Variants in SH3GL1 observed in about 807,000 individuals in gnomAD.
SH3GL1 encodes the protein SH3 domain containing GRB2 like 1, endophilin A2, also known as endophilin-A2.
SH3GL1 carries 21 observed loss-of-function variants against 48.8 expected under a neutral mutation model. The observed-to-expected ratio is 0.43, with a 90% CI of 0.30 to 0.62. The LOEUF (loss-of-function observed/expected upper bound fraction) is 0.62. SH3GL1 is among the 20% of genes least tolerant of loss of function. The probability of loss-of-function intolerance (pLI) is 0.11; values close to 1 mark genes in which losing one functional copy is unlikely to be tolerated. For missense variants in SH3GL1, 454 were observed against 503.0 expected (o/e 0.90, Z 0.93); for synonymous variants, 282 against 217.5 (o/e 1.30, Z -2.61).
chr19:4,364,328 G>A, intron 4 of SH3GL1, 107 bp from the exon 5 acceptor site: 1 of 1,424,368 alleles, frequency 7.0e-7, no homozygotes, highest in Non-Finnish European at 9.8e-7. Context: ...CTGGAACGCA[G>A]TGGCGCTGTA....
chr19:4,365,209 G>A (rs1003696373), intron 4 of SH3GL1, among the ~76,000 whole-genome samples: 1 of 152,168 alleles, frequency 6.6e-6, no homozygotes. Flanking sequence ...GCCCTTAACA[G>A]GTGGAAGGAC....
Position 4,373,202 on chromosome 19 carries a change from C to T in SH3GL1, c.46-6208G>A, listed in dbSNP as rs1003918911. Among the ~76,000 whole-genome samples, 12 of 152,266 alleles carry T rather than the reference C, an allele frequency of 7.9e-5. No homozygotes were observed. The South Asian group carries it at 2.3e-3, about 29-fold the overall frequency. On this transcript the variant is annotated intron_variant, in intron 1 of 9. Coordinates refer to ENST00000269886, the MANE Select transcript of SH3GL1 (RefSeq NM_003025.4). ...CCAGGTGATCCTCATGGCCCGGCGG[C>T]GAGGAATCAGACGGCAGAAACCCAC...
intron 6 of SH3GL1, 92 bp downstream of exon 6, chr19:4,363,628 G>C (rs11668762): frequency 1.3e-6 from 2 of 1,546,352 alleles, no homozygotes; most frequent in Non-Finnish European, 1.8e-6. Context: ...CGGCCAGGTA[G>C]GTGCCGATCT....
rs1254426126 is a variant in SH3GL1, at chr19:4,363,380, G to C, written c.718C>G (p.Leu240Val). ...AGGCCCTGGGCTCACCTGCGCTTGAGCTTCTCCGCCAGCTCGTCCAGGATC... is the reference window on the plus strand; with the variant it reads ...AGGCCCTGGGCTCACCTGCGCTTGACCTTCTCCGCCAGCTCGTCCAGGATC... ...VQILDELAEK[L>V]KRRMREASSR... Residue 240 changes from leucine to valine, a missense_variant, in exon 7 of 10, where the codon CTC becomes GTC. Transcript: ENST00000269886. The C allele has an allele frequency of 6.2e-7, 1 of 1,604,606 alleles. No homozygotes were observed. The highest frequency in any genetic ancestry group is 8.5e-7 in the Non-Finnish European group (1 of 1,176,218).
intron 1 of SH3GL1, among the ~76,000 whole-genome samples, chr19:4,384,086 G>A (rs550556057): frequency 7.9e-5 from 12 of 152,368 alleles, no homozygotes; most frequent in South Asian, 4.1e-4. Flanking sequence ...TCTGCGACAA[G>A]GCTGGGTGCT....
At chr19:4,379,133 T>C (rs1325183652) in intron 1 of SH3GL1, among the ~76,000 whole-genome samples, 1 of 152,190 alleles carries the variant, frequency 6.6e-6, no homozygotes. Flanking sequence ...ATTCTGAGGT[T>C]CTACTGGCGG....
chr19:4,370,493 A>G (rs1001617390), intron 1 of SH3GL1, among the ~76,000 whole-genome samples: 1 of 151,926 alleles, frequency 6.6e-6, no homozygotes, highest in Non-Finnish European at 1.5e-5. Context: ...AACCTGCATC[A>G]GGGTGGCAGG....
At chr19:4,381,689 CTTTTTTT>C (rs71166991) in intron 1 of SH3GL1, among the ~76,000 whole-genome samples, 2 of 35,150 alleles carry the variant, frequency 5.7e-5, no homozygotes, top group African/African-American at 9.8e-5. Context: ...CCCCACACGC[CTTTTTTT>C]TTTTTTTTTT....
intron 9 of SH3GL1, 88 bp downstream of exon 9, chr19:4,362,241 G>A (rs371122546): frequency 1.2e-5 from 16 of 1,335,164 alleles, no homozygotes; most frequent in African/African-American, 8.7e-5. Context: ...TGCTTGAGAT[G>A]GGCAGAGAAC....
In SH3GL1 at chr19:4,367,038, A is replaced by G. The variant is rs1231676895; in HGVS notation, c.46-44T>C. 1 of 1,578,130 alleles carries G rather than the reference A, an allele frequency of 6.3e-7. No homozygotes were observed. Among genetic ancestry groups the G allele is most frequent in the African/African-American group, 1.3e-5 (1 of 74,170 alleles). On this transcript the variant is annotated intron_variant, in intron 1 of 9. Coordinates refer to ENST00000269886, the MANE Select transcript of SH3GL1 (RefSeq NM_003025.4). The surrounding 1 kb of genome is among the most constrained non-coding windows in gnomAD (Gnocchi z 4.2). ...GAAACGCTGTGAGCCCAGGGGTAGG[A>G]GGAAGAAGAGGACAGGAGGCCCTGA...
intron 2 of SH3GL1, 59 bp downstream of exon 2, chr19:4,366,867 G>A (rs370062307): frequency 4.5e-5 from 69 of 1,549,828 alleles, no homozygotes; most frequent in East Asian, 1.1e-4. Flanking sequence ...CACTATGCCC[G>A]GCAGAGGTCA....
At chr19:4,392,456 G>A (rs892048915) in intron 1 of SH3GL1, among the ~76,000 whole-genome samples, 16 of 151,532 alleles carry the variant, frequency 1.1e-4, no homozygotes, top group South Asian at 2.1e-4. Context: ...CCCAGGAAGC[G>A]GAGGTTGCAG....
intron 1 of SH3GL1, among the ~76,000 whole-genome samples, chr19:4,385,070 C>T (rs574419739): frequency 2.5e-4 from 38 of 149,548 alleles, no homozygotes; most frequent in Middle Eastern, 3.4e-3. Context: ...CGCCATTGCA[C>T]TCCAGCCTGG....
intron 1 of SH3GL1, among the ~76,000 whole-genome samples, chr19:4,380,883 A>G (rs1455661259): frequency 6.6e-6 from 1 of 152,154 alleles, no homozygotes; most frequent in Non-Finnish European, 1.5e-5. Context: ...AGTTCCACAG[A>G]GTGTCACAGC....
chr19:4,400,192 A>G lies in SH3GL1; in HGVS notation c.45+132T>C. 4 of 981,374 alleles carry G rather than the reference A, an allele frequency of 4.1e-6. No individual in the cohort carries two copies. Among genetic ancestry groups the G allele is most frequent in the Non-Finnish European group, 4.3e-6 (3 of 691,100 alleles). 60.8% of individuals were successfully genotyped at this position (981,374 alleles called of 1,614,324 possible). A position where few individuals can be genotyped will look rare whatever the true frequency, so the allele number is the denominator to read the frequency against. On this transcript the variant is annotated intron_variant, in intron 1 of 9. Transcript: ENST00000269886. The surrounding 1 kb of genome is among the most constrained non-coding windows in gnomAD (Gnocchi z 4.1). The stretch of plus-strand genomic sequence containing the variant: ...CCCCCGTCCGTCCCTTGGTCTTCCC[A>G]CCTGGCAGGGGACACGCGCCAACGT...
At chr19:4,373,008 T>A (rs1460755024) in intron 1 of SH3GL1, among the ~76,000 whole-genome samples, 1 of 152,084 alleles carries the variant, frequency 6.6e-6, no homozygotes, top group African/African-American at 2.4e-5. Flanking sequence ...ATGGGTGGGG[T>A]TGTGGCCCCT....
chr19:4,364,894 GTGTGTA>G (rs1346666805), intron 4 of SH3GL1, among the ~76,000 whole-genome samples: 2 of 113,176 alleles, frequency 1.8e-5, no homozygotes, highest in African/African-American at 3.8e-5. Context: ...GTGTGTGTGT[GTGTGTA>G]TATATATATA....
chr19:4,390,563 G>C (rs1366483423), intron 1 of SH3GL1: 1 of 151,992 alleles, frequency 6.6e-6, no homozygotes, highest in African/African-American at 2.4e-5. Context: ...GGGAGAGAGG[G>C]AAACCCGCTG....
intron 1 of SH3GL1, among the ~76,000 whole-genome samples, chr19:4,370,124 G>A (rs1004694024): frequency 2.0e-5 from 3 of 152,224 alleles, no homozygotes; most frequent in South Asian, 2.1e-4. Context: ...CTCTGGGCTC[G>A]CTGTCAGGAG....
Sources: allele counts gnomAD v4.1 joint callset (sites outside exome capture counted in the v4.1 genomes callset), GRCh38; gene constraint gnomAD v4.1.1; non-coding constraint Gnocchi (gnomAD v3.1); transcripts MANE v1.5; gene names NCBI Gene and HGNC (gene_info 2026-07-23, HGNC 2026-07-21).